The following SDCCAG8 variants were observed in gnomAD, a reference collection of about 807,000 sequenced individuals.
SDCCAG8 encodes SHH signaling and ciliogenesis regulator SDCCAG8.
In SDCCAG8, 74 loss-of-function variants were observed where a neutral mutation model predicts 101.8. The observed-to-expected ratio is 0.73, with a 90% CI of 0.60 to 0.88. The LOEUF is 0.88. Among genes scored for constraint, SDCCAG8 ranks in the 40% least tolerant of loss-of-function variants. The probability of loss-of-function intolerance (pLI) is 0.00; values close to 1 mark genes in which losing one functional copy is unlikely to be tolerated. For missense variants in SDCCAG8, 787 were observed against 822.6 expected, an observed-to-expected ratio of 0.96 and a Z score of 0.53; for synonymous variants, 281 against 292.9, an observed-to-expected ratio of 0.96 and a Z score of 0.41.
At chr1:243,401,906 GT>G (rs2079424059) in intron 13 of SDCCAG8, among the ~76,000 whole-genome samples, 1 of 152,148 alleles carries the variant, frequency 6.6e-6, no homozygotes, top group African/African-American at 2.4e-5. Flanking sequence ...CATTTTAATA[GT>G]TTTTGAAAAT....
rs920010590 is a variant in SDCCAG8 at position 243,474,542 on chromosome 1, C to T, written c.1986-14472C>T. ...GAGAGGACGGTGCACCGCCCGGCAG[C>T]GCTGAGACCTGGCCGCCTAGGCCAC... On this transcript the variant is annotated intron_variant, in intron 16 of 17. Coordinates refer to ENST00000366541, the MANE Select transcript of SDCCAG8 (RefSeq NM_006642.5). This position sits in a 1 kb window ranked among gnomAD's most constrained non-coding sequence, Gnocchi z 4.7. Among the ~76,000 whole-genome samples, 4 of 152,220 alleles carry T rather than the reference C, an allele frequency of 2.6e-5. No individual in the cohort carries two copies. The South Asian group carries it at 8.3e-4, about 31-fold the overall frequency.
chr1:243,432,571 G>T (rs754751908), intron 16 of SDCCAG8, among the ~76,000 whole-genome samples: 48 of 152,144 alleles, frequency 3.2e-4, no homozygotes, highest in Admixed American at 1.9e-3. Flanking sequence ...AGAGAAAGCT[G>T]TAACAGTAGC....
intron 1 of SDCCAG8, among the ~76,000 whole-genome samples, chr1:243,260,069 A>C (rs2067086093): frequency 6.6e-6 from 1 of 152,152 alleles, no homozygotes; most frequent in African/African-American, 2.4e-5. Context: ...TTCTCTAAAG[A>C]TATCTCTTGC....
chr1:243,451,261 T>C (rs938420597), intron 16 of SDCCAG8, among the ~76,000 whole-genome samples: 2 of 152,202 alleles, frequency 1.3e-5, no homozygotes, highest in African/African-American at 4.8e-5. Flanking sequence ...TAGGCACAAA[T>C]GTACTGCTGA....
At chr1:243,358,290 C>T (rs1051449220) in intron 12 of SDCCAG8, among the ~76,000 whole-genome samples, 1 of 151,650 alleles carries the variant, frequency 6.6e-6, no homozygotes, top group Non-Finnish European at 1.5e-5. Context: ...TCCGAATAGA[C>T]TTTTTTTAAA....
chr1:243,379,538 A>T (rs1485185585), intron 13 of SDCCAG8, among the ~76,000 whole-genome samples: 1 of 152,122 alleles, frequency 6.6e-6, no homozygotes, highest in Non-Finnish European at 1.5e-5. Context: ...GCTGCATTGG[A>T]AAAAAACATA....
At chr1:243,366,799 T>C (rs577192824) in intron 12 of SDCCAG8, among the ~76,000 whole-genome samples, 47 of 152,158 alleles carry the variant, frequency 3.1e-4, no homozygotes, top group African/African-American at 1.1e-3. Flanking sequence ...GCTTGGATAT[T>C]ATTCATATAT....
At chr1:243,376,892 A>G (rs1246537374) in intron 12 of SDCCAG8, among the ~76,000 whole-genome samples, 1 of 152,102 alleles carries the variant, frequency 6.6e-6, no homozygotes, top group Non-Finnish European at 1.5e-5. Context: ...ATGTCACCCT[A>G]TTATCTATAA....
At chr1:243,395,085 G>A (rs763345299) in intron 13 of SDCCAG8, among the ~76,000 whole-genome samples, 3 of 152,006 alleles carry the variant, frequency 2.0e-5, no homozygotes, top group African/African-American at 7.2e-5. Context: ...TCGCATTTAC[G>A]TGTCTGTGTG....
chr1:243,310,503 A>G (rs1345586527), intron 8 of SDCCAG8, among the ~76,000 whole-genome samples: 1 of 152,162 alleles, frequency 6.6e-6, no homozygotes, highest in Admixed American at 6.5e-5. Flanking sequence ...AAATAAATTC[A>G]TGGTAGTTTA....
chr1:243,457,468 A>G (rs1481875012), intron 16 of SDCCAG8, among the ~76,000 whole-genome samples: 1 of 152,210 alleles, frequency 6.6e-6, no homozygotes, highest in African/African-American at 2.4e-5. Context: ...AAGTAAAAAT[A>G]TATTTGCTTT....
chr1:243,434,293 C>A (rs2081992781), intron 16 of SDCCAG8, among the ~76,000 whole-genome samples: 1 of 152,268 alleles, frequency 6.6e-6, no homozygotes, highest in Non-Finnish European at 1.5e-5. Context: ...CCTGCCACCA[C>A]CTCAGCAATT....
chr1:243,264,219 T>C (rs986692703), intron 1 of SDCCAG8, among the ~76,000 whole-genome samples: 1 of 152,200 alleles, frequency 6.6e-6, no homozygotes, highest in Non-Finnish European at 1.5e-5. Flanking sequence ...CTTCCTAGAC[T>C]GAGACATACT....
At chr1:243,369,369 A>G (rs1296945964) in intron 12 of SDCCAG8, among the ~76,000 whole-genome samples, 1 of 152,154 alleles carries the variant, frequency 6.6e-6, no homozygotes, top group Non-Finnish European at 1.5e-5. Flanking sequence ...GTGACCGACC[A>G]AGGGCTCAGT....
intron 12 of SDCCAG8, among the ~76,000 whole-genome samples, chr1:243,350,242 A>G (rs1299736285): frequency 1.3e-5 from 2 of 151,664 alleles, no homozygotes; most frequent in African/African-American, 2.4e-5. Context: ...GGAGTCTCAT[A>G]CTGTCGCCCA....
chr1:243,264,372 T>G (rs2067421189), intron 1 of SDCCAG8, among the ~76,000 whole-genome samples: 1 of 152,122 alleles, frequency 6.6e-6, no homozygotes, highest in Middle Eastern at 3.2e-3. Context: ...CCCAGCACTT[T>G]GGGAGGCTGA....
intron 5 of SDCCAG8, 65 bp from the exon 6 acceptor site, chr1:243,293,026 T>C: frequency 6.3e-7 from 1 of 1,580,714 alleles, no homozygotes; most frequent in Non-Finnish European, 8.7e-7. Flanking sequence ...GGTATTTTAT[T>C]TGTAAAATAT....
chr1:243,433,526 A>G (rs533200370), intron 16 of SDCCAG8, among the ~76,000 whole-genome samples: 17 of 152,278 alleles, frequency 1.1e-4, no homozygotes, highest in Admixed American at 9.1e-4. Flanking sequence ...CCAGAAACCC[A>G]GATGCAAGAA....
intron 16 of SDCCAG8, among the ~76,000 whole-genome samples, chr1:243,435,449 A>T (rs896450094): frequency 1.3e-5 from 2 of 152,190 alleles, no homozygotes; most frequent in African/African-American, 4.8e-5. Flanking sequence ...ATTCATTCAT[A>T]TCCTTCATTC....
Sources: allele counts gnomAD v4.1 joint callset (sites outside exome capture counted in the v4.1 genomes callset), GRCh38; gene constraint gnomAD v4.1.1; non-coding constraint Gnocchi (gnomAD v3.1); transcripts MANE v1.5; gene names NCBI Gene and HGNC (gene_info 2026-07-23, HGNC 2026-07-21).